GTF2I: variants seen among roughly 807,000 people sequenced by gnomAD.
The protein encoded by GTF2I is general transcription factor IIi.
In GTF2I, 12 loss-of-function variants were observed where a neutral mutation model predicts 67.6. The observed-to-expected ratio is 0.18, with a 90% confidence interval of 0.11 to 0.29. The LOEUF (loss-of-function observed/expected upper bound fraction) is 0.29, where lower values mean the gene tolerates loss of function less well. Ranked by LOEUF, GTF2I falls within the 10% of genes least tolerant of loss-of-function variation. The pLI is 1.00. For missense variants in GTF2I, 271 were observed against 580.1 expected (o/e 0.47, Z 5.47); for synonymous variants, 149 against 197.0 (o/e 0.76, Z 2.04).
At chr7:74,709,820 G>A (rs587662881) in intron 8 of GTF2I, among the ~76,000 whole-genome samples, 2 of 151,382 alleles carry the variant, frequency 1.3e-5, no homozygotes, top group South Asian at 2.1e-4. Flanking sequence ...CTACAGGTGC[G>A]TGCCACCACT....
Position 74,729,488 on chromosome 7 carries a change from A to AT in GTF2I, c.1054+599dup, listed in dbSNP as rs587647605. 8.2e-3 allele frequency among the ~76,000 whole-genome samples: 1,178 copies of AT among 144,298 alleles called. 22 individuals carry two copies. The highest frequency in any genetic ancestry group is 0.029 in the African/African-American group (1,126 of 38,770). 94.7% of individuals were successfully genotyped at this position (144,298 alleles called of 152,430 possible). ...TTCTTTATTTTTAATTTTTATTATT[A>AT]TTTTTTTGAGACAGAGTCTTGCTCT... On this transcript the variant is annotated intron_variant, in intron 13 of 34. Transcript: ENST00000573035.
chr7:74,713,022 A>G (rs886676986), intron 9 of GTF2I, among the ~76,000 whole-genome samples: 1 of 152,198 alleles, frequency 6.6e-6, no homozygotes, highest in South Asian at 2.1e-4. Context: ...AATGAGTGGT[A>G]GGCACCTCAA....
At chr7:74,699,184 TA>T (rs1789383028) in intron 4 of GTF2I, 89 bp downstream of exon 4, 1 of 601,408 alleles carries the variant, frequency 1.7e-6, no homozygotes, top group East Asian at 3.4e-5. Flanking sequence ...TCGAAAATCA[TA>T]TAACACACAT....
At chr7:74,673,680 C>CT (rs34307938) in intron 1 of GTF2I, among the ~76,000 whole-genome samples, 3,603 of 119,766 alleles carry the variant, frequency 0.03, 103 homozygotes, top group African/African-American at 0.048. Context: ...CGCCCGGCCT[C>CT]TTTTTTTTTT....
chr7:74,704,280 A>ATTTATTTATTTATTTT (rs1790279579), intron 6 of GTF2I, among the ~76,000 whole-genome samples: 1 of 148,616 alleles, frequency 6.7e-6, no homozygotes, highest in African/African-American at 2.5e-5. Flanking sequence ...TTATTTATTT[A>ATTTATTTATTTATTTT]TTTATTTATT....
intron 4 of GTF2I, chr7:74,699,386 G>A (rs1397691475): frequency 6.1e-6 from 1 of 162,680 alleles, no homozygotes. Flanking sequence ...TCCGCCTCCC[G>A]GTTTCAAGTG....
At chr7:74,737,112 G>C (rs1425908801) in intron 18 of GTF2I, among the ~76,000 whole-genome samples, 1 of 148,436 alleles carries the variant, frequency 6.7e-6, no homozygotes, top group Non-Finnish European at 1.5e-5. Context: ...AGAATCACTT[G>C]AACCCTAGAG....
chr7:74,712,365 C>G (rs1193152553), intron 9 of GTF2I, among the ~76,000 whole-genome samples: 1 of 152,096 alleles, frequency 6.6e-6, no homozygotes, highest in African/African-American at 2.4e-5. Flanking sequence ...TCATTGAAGC[C>G]TTTCTTTGGG....
At chr7:74,673,630 C>T (rs1442903967) in intron 1 of GTF2I, among the ~76,000 whole-genome samples, 4 of 151,480 alleles carry the variant, frequency 2.6e-5, no homozygotes, top group Non-Finnish European at 2.9e-5. Context: ...TGCCTCACCT[C>T]GCCCTCCCAA....
intron 11 of GTF2I, among the ~76,000 whole-genome samples, chr7:74,718,400 T>C (rs1461234872): frequency 6.6e-6 from 1 of 152,254 alleles, no homozygotes; most frequent in Non-Finnish European, 1.5e-5. Flanking sequence ...CCAGAGGATA[T>C]AGTCTTGTGT....
chr7:74,716,980 C>T (rs782454393), intron 11 of GTF2I, 30 bp downstream of exon 11: 18 of 1,572,408 alleles, frequency 1.1e-5, no homozygotes, highest in Non-Finnish European at 1.6e-5. Context: ...GCATATTTTC[C>T]ACTATTTGTT....
intron 14 of GTF2I, among the ~76,000 whole-genome samples, chr7:74,731,119 A>AT (rs1554406626): frequency 6.6e-6 from 1 of 151,918 alleles, no homozygotes; most frequent in Non-Finnish European, 1.5e-5. Context: ...GAAATTCGCA[A>AT]TTTGTTATTA....
intron 9 of GTF2I, among the ~76,000 whole-genome samples, chr7:74,713,877 A>G (rs2131412813): frequency 6.6e-6 from 1 of 152,316 alleles, no homozygotes; most frequent in African/African-American, 2.4e-5. Flanking sequence ...TTAGGAGTCT[A>G]CATTCCAAGA....
At chr7:74,701,510 G>A (rs1004393175) in intron 6 of GTF2I, among the ~76,000 whole-genome samples, 6 of 151,328 alleles carry the variant, frequency 4.0e-5, no homozygotes, top group African/African-American at 7.3e-5. Flanking sequence ...TTGCTCTGTC[G>A]CCAAGGCTGG....
intron 1 of GTF2I, among the ~76,000 whole-genome samples, chr7:74,667,698 G>C (rs1164255763): frequency 6.6e-6 from 1 of 151,384 alleles, no homozygotes; most frequent in Non-Finnish European, 1.5e-5. Flanking sequence ...TTTATTTTTT[G>C]TGGAGATGGG....
At chr7:74,680,532 G>A (rs764026503) in intron 1 of GTF2I, among the ~76,000 whole-genome samples, 10 of 152,056 alleles carry the variant, frequency 6.6e-5, no homozygotes, top group African/African-American at 2.2e-4. Flanking sequence ...TTTGATCTCA[G>A]GAGTTCGAGA....
chr7:74,703,384 G>A (rs1379443473), intron 6 of GTF2I, among the ~76,000 whole-genome samples: 1 of 151,526 alleles, frequency 6.6e-6, no homozygotes, highest in Non-Finnish European at 1.5e-5. Flanking sequence ...TTGTTAACTT[G>A]TGCTTTTTTT....
chr7:74,680,933 G>A (rs1178639081), intron 1 of GTF2I, among the ~76,000 whole-genome samples: 4 of 152,290 alleles, frequency 2.6e-5, no homozygotes, highest in East Asian at 1.9e-4. Context: ...CAGGAAACTC[G>A]AGGATTTCAA....
chr7:74,701,220 T>C (rs1221931176), intron 6 of GTF2I, among the ~76,000 whole-genome samples: 1 of 152,186 alleles, frequency 6.6e-6, no homozygotes, highest in Non-Finnish European at 1.5e-5. Context: ...CCATTTCATT[T>C]GAAGGGAAAA....
Sources: gnomAD v4.1 joint callset for allele counts (sites outside exome capture counted in the v4.1 genomes callset) on GRCh38, gnomAD v4.1.1 for gene constraint, MANE v1.5 for transcripts, NCBI Gene and HGNC (gene_info 2026-07-23, HGNC 2026-07-21) for gene names.